Variants in ITFG1 observed in about 807,000 individuals in gnomAD.
ITFG1 encodes the protein T-cell immunomodulatory protein.
In ITFG1, 34 loss-of-function variants were observed where a neutral mutation model predicts 81.8. That is an observed-to-expected ratio of 0.42 (90% CI 0.32 to 0.55). The LOEUF (loss-of-function observed/expected upper bound fraction) is 0.55. Among genes scored for constraint, ITFG1 ranks in the 20% least tolerant of loss-of-function variants. ITFG1 has a pLI of 0.17. For synonymous variants in ITFG1, 285 were observed against 270.6 expected (o/e 1.05, Z -0.52); for missense variants, 672 against 755.4 (o/e 0.89, Z 1.29).
intron 14 of ITFG1, among the ~76,000 whole-genome samples, chr16:47,182,866 T>C (rs1965148372): frequency 6.6e-6 from 1 of 152,152 alleles, no homozygotes; most frequent in African/African-American, 2.4e-5. Flanking sequence ...ACCGGGTTCA[T>C]CTCACTAGGG....
At chr16:47,400,917 C>T (rs1477489314) in intron 6 of ITFG1, among the ~76,000 whole-genome samples, 1 of 152,046 alleles carries the variant, frequency 6.6e-6, no homozygotes, top group Non-Finnish European at 1.5e-5. Flanking sequence ...TATAAGGTGC[C>T]ACAAAGAGAT....
chr16:47,348,668 T>C (rs1417071246), intron 8 of ITFG1, among the ~76,000 whole-genome samples: 1 of 152,176 alleles, frequency 6.6e-6, no homozygotes, highest in Non-Finnish European at 1.5e-5. Flanking sequence ...TTCCCCAACC[T>C]AGCAAGGCAG....
chr16:47,297,157 CT>C (rs1407076738), intron 10 of ITFG1, among the ~76,000 whole-genome samples: 1 of 152,016 alleles, frequency 6.6e-6, no homozygotes, highest in Non-Finnish European at 1.5e-5. Flanking sequence ...GACTTGATTC[CT>C]TTCTCATTAT....
chr16:47,373,384 G>A (rs2151589858), intron 7 of ITFG1, among the ~76,000 whole-genome samples: 1 of 152,286 alleles, frequency 6.6e-6, no homozygotes, highest in Admixed American at 6.5e-5. Context: ...CCAGGATCAA[G>A]TGATTCTCTT....
intron 8 of ITFG1, among the ~76,000 whole-genome samples, chr16:47,346,866 T>C (rs917637608): frequency 1.3e-5 from 2 of 152,182 alleles, no homozygotes; most frequent in Non-Finnish European, 2.9e-5. Context: ...CTCAGAGTAT[T>C]CCAGAAAACT....
intron 5 of ITFG1, among the ~76,000 whole-genome samples, chr16:47,447,567 G>A (rs1969339600): frequency 6.6e-6 from 1 of 152,036 alleles, no homozygotes; most frequent in African/African-American, 2.4e-5. Flanking sequence ...TCACTCTGCT[G>A]TCGCCCAGGC....
intron 8 of ITFG1, among the ~76,000 whole-genome samples, chr16:47,319,479 T>C (rs530380153): frequency 6.6e-6 from 1 of 152,332 alleles, no homozygotes; most frequent in African/African-American, 2.4e-5. Context: ...TAGTTTAGCT[T>C]GCAACTTAAT....
At chr16:47,231,038 G>A (rs148634958) in intron 13 of ITFG1, among the ~76,000 whole-genome samples, 7 of 152,218 alleles carry the variant, frequency 4.6e-5, no homozygotes, top group African/African-American at 1.7e-4. Context: ...GTGAGCCACC[G>A]CGCCCAGCCC....
At chr16:47,254,243 G>C (rs879697846) in intron 12 of ITFG1, among the ~76,000 whole-genome samples, 3 of 151,944 alleles carry the variant, frequency 2.0e-5, no homozygotes, top group Admixed American at 6.6e-5. Context: ...AAATGTAAAT[G>C]AATAAATGCC....
At chr16:47,231,914 C>G (rs962894206) in intron 13 of ITFG1, among the ~76,000 whole-genome samples, 5 of 152,104 alleles carry the variant, frequency 3.3e-5, no homozygotes, top group Non-Finnish European at 4.4e-5. Context: ...CTTGCAATAT[C>G]CAGGTGGGGC....
At chr16:47,360,371 T>C (rs912535217) in intron 8 of ITFG1, among the ~76,000 whole-genome samples, 3 of 152,150 alleles carry the variant, frequency 2.0e-5, no homozygotes, top group African/African-American at 7.2e-5. Context: ...CTCTGTTTTA[T>C]TGATTTTTTG....
intron 14 of ITFG1, among the ~76,000 whole-genome samples, chr16:47,193,241 T>C (rs1965315077): frequency 6.6e-6 from 1 of 151,530 alleles, no homozygotes; most frequent in Non-Finnish European, 1.5e-5. Context: ...TTTTCAGATC[T>C]AGGCCTGCAG....
intron 12 of ITFG1, among the ~76,000 whole-genome samples, chr16:47,256,688 T>C (rs1216346506): frequency 6.6e-6 from 1 of 152,182 alleles, no homozygotes; most frequent in Non-Finnish European, 1.5e-5. Flanking sequence ...GCAGTAATAA[T>C]GAAGATAGGT....
At chr16:47,289,660 T>C (rs1966885588) in intron 10 of ITFG1, among the ~76,000 whole-genome samples, 1 of 152,198 alleles carries the variant, frequency 6.6e-6, no homozygotes. Flanking sequence ...TAGTCTCTAA[T>C]GGTCCTTGTA....
intron 11 of ITFG1, 152 bp downstream of exon 11, chr16:47,260,393 T>C (rs1966195240): frequency 1.4e-6 from 1 of 738,544 alleles, no homozygotes; most frequent in Non-Finnish European, 2.2e-6. Context: ...ATTTGTTTCA[T>C]CTGTCATTTA....
At chr16:47,412,668 C>G (rs1207849614) in intron 6 of ITFG1, among the ~76,000 whole-genome samples, 1 of 147,360 alleles carries the variant, frequency 6.8e-6, no homozygotes, top group Non-Finnish European at 1.5e-5. Context: ...TGCACTCCCT[C>G]CTGTGTGACA....
chr16:47,220,584 A>G (rs902889669), intron 13 of ITFG1, among the ~76,000 whole-genome samples: 1 of 152,218 alleles, frequency 6.6e-6, no homozygotes, highest in Admixed American at 6.5e-5. Flanking sequence ...TACTTAAGAA[A>G]CTGTTCTGAG....
At position 47,313,731 on chromosome 16, in the gene ITFG1, G is replaced by C; in HGVS notation, c.895C>G (p.Gln299Glu). ...ACATTAAAAACAACTTGATATACCT[G>C]CTTCATCCCAGATCTCACTAAGTAG... Reference protein sequence around the residue: ...TIYLVRSGMKQWVPVLQDFSN... With the variant: ...TIYLVRSGMKEWVPVLQDFSN... Residue 299 changes from glutamine to glutamate, a missense_variant and splice_region_variant, in exon 9 of 18, where the codon CAG (glutamine) becomes GAG (glutamate). Transcript: ENST00000320640. The C allele has an allele frequency of 6.5e-7, 1 of 1,539,138 alleles. No individual in the cohort carries two copies. The highest frequency in any genetic ancestry group is 8.9e-7 in the Non-Finnish European group (1 of 1,125,758).
At chr16:47,408,869 G>T (rs552759048) in intron 6 of ITFG1, among the ~76,000 whole-genome samples, 1 of 151,948 alleles carries the variant, frequency 6.6e-6, no homozygotes, top group Non-Finnish European at 1.5e-5. Flanking sequence ...ACCTCAGAGA[G>T]GTTTTGTTTA....
Sources: gnomAD v4.1 joint callset for allele counts (sites outside exome capture counted in the v4.1 genomes callset) on GRCh38, gnomAD v4.1.1 for gene constraint, MANE v1.5 for transcripts, NCBI Gene and HGNC (gene_info 2026-07-23, HGNC 2026-07-21) for gene names.